The following HEATR5A variants were observed in gnomAD, a reference collection of about 807,000 sequenced individuals.
The protein encoded by HEATR5A is HEAT repeat-containing protein 5A.
HEATR5A carries 178 observed loss-of-function variants against 218.8 expected under a neutral mutation model. That is an observed-to-expected ratio of 0.81 (90% CI 0.72 to 0.92). HEATR5A has a LOEUF of 0.92. Among genes scored for constraint, HEATR5A ranks in the 40% least tolerant of loss-of-function variants. The probability of loss-of-function intolerance (pLI) is 0.00; values close to 1 mark genes in which losing one functional copy is unlikely to be tolerated. For synonymous variants in HEATR5A, 864 were observed against 871.6 expected, an observed-to-expected ratio of 0.99 and a Z score of 0.15; for missense variants, 2,420 against 2,418.9, an observed-to-expected ratio of 1.00 and a Z score of -0.01.
chr14:31,364,999 C>A (rs960837483), intron 13 of HEATR5A, among the ~76,000 whole-genome samples: 1 of 151,264 alleles, frequency 6.6e-6, no homozygotes, highest in Non-Finnish European at 1.5e-5. Context: ...CTTAGCCTCC[C>A]CAATAGCTGG....
In HEATR5A at chr14:31,326,222, G is replaced by T. The variant is rs552446412; in HGVS notation, c.3488C>A (p.Ala1163Glu). 1.2e-6 allele frequency: 2 copies of T among 1,613,024 alleles called. No homozygotes were observed. Among genetic ancestry groups the T allele is most frequent in the Non-Finnish European group, 1.7e-6 (2 of 1,179,210 alleles). Residue 1163 changes from alanine to glutamate, a missense_variant, in exon 23 of 36, where the codon GCA becomes GAA. Coordinates refer to ENST00000543095, the MANE Select transcript of HEATR5A (RefSeq NM_015473.4). ...TAACCACAGGGAGAGTTTTTCCACT[G>T]CCATAGATGTAAGCATATAATTTAA... ...ETLNYMLTSM[A>E]VEKLSLWLKL...
intron 25 of HEATR5A, among the ~76,000 whole-genome samples, chr14:31,320,995 C>T (rs867119456): frequency 6.6e-6 from 1 of 152,150 alleles, no homozygotes; most frequent in African/African-American, 2.4e-5. Context: ...ACTGGTGATA[C>T]GTTAGCAGAG....
chr14:31,409,603 G>A (rs1208604921), intron 1 of HEATR5A, among the ~76,000 whole-genome samples: 4 of 152,096 alleles, frequency 2.6e-5, no homozygotes, highest in Non-Finnish European at 2.9e-5. Context: ...GTGAGGCTGA[G>A]GTGGGAGGAT....
At position 31,347,807 on chromosome 14, in the gene HEATR5A, T is replaced by A. The variant is rs368505431; in HGVS notation, c.2809A>T (p.Asn937Tyr). ...GTATAAAGGATTCCAATACAAGAATTTAGGTGTTGAGAAGAACTTATTCCT... is the reference window on the plus strand; with the variant it reads ...GTATAAAGGATTCCAATACAAGAATATAGGTGTTGAGAAGAACTTATTCCT... ...LGGISSSQHLNSCIGILYTLA... is the reference protein window; with the variant it reads ...LGGISSSQHLYSCIGILYTLA... Residue 937 changes from asparagine to tyrosine, a missense_variant, in exon 19 of 36, where the codon AAT becomes TAT. By Grantham distance (143) the Asn-to-Tyr change is moderately radical. Coordinates refer to ENST00000543095, the MANE Select transcript of HEATR5A (RefSeq NM_015473.4). The A allele has an allele frequency of 1.2e-6, 2 of 1,611,236 alleles. No individual in the cohort carries two copies. The highest frequency in any genetic ancestry group is 2.7e-5 in the African/African-American group (2 of 74,862).
chr14:31,380,416 T>C, intron 11 of HEATR5A, 51 bp downstream of exon 11: 1 of 1,140,094 alleles, frequency 8.8e-7, no homozygotes, highest in Non-Finnish European at 1.3e-6. Flanking sequence ...ATCATTTCAC[T>C]CAGAAAACAC....
At chr14:31,310,625 G>A (rs1899715004) in intron 28 of HEATR5A, among the ~76,000 whole-genome samples, 1 of 151,994 alleles carries the variant, frequency 6.6e-6, no homozygotes, top group Admixed American at 6.6e-5. Flanking sequence ...GGGCCACAGA[G>A]CAAGACTCCA....
intron 7 of HEATR5A, 104 bp downstream of exon 7, chr14:31,388,741 A>C: frequency 2.4e-6 from 2 of 836,528 alleles, no homozygotes; most frequent in South Asian, 1.8e-5. Context: ...ATATGAGAGC[A>C]TAAGTGTTGA....
At chr14:31,299,446 A>ACAGT (rs1899293984) in intron 33 of HEATR5A, among the ~76,000 whole-genome samples, 1 of 152,214 alleles carries the variant, frequency 6.6e-6, no homozygotes, top group African/African-American at 2.4e-5. Context: ...GTGGCCAGAC[A>ACAGT]CAGTGGCTCA....
chr14:31,331,539 T>G (rs576054729), intron 22 of HEATR5A, among the ~76,000 whole-genome samples: 47 of 152,292 alleles, frequency 3.1e-4, no homozygotes, highest in Non-Finnish European at 5.9e-4. Context: ...TTCCAACCAC[T>G]GCCTATTACC....
intron 4 of HEATR5A, 94 bp from the exon 5 acceptor site, chr14:31,395,442 T>C: frequency 3.4e-6 from 2 of 584,222 alleles, no homozygotes; most frequent in Non-Finnish European, 5.7e-6. Flanking sequence ...TGAAGAAATA[T>C]CCAGACTTCT....
rs748487736 is a variant in HEATR5A, at chr14:31,386,611, CTG to C, written c.1190-38_1190-37del. The C allele has an allele frequency of 2.6e-6, 4 of 1,528,520 alleles. No homozygotes were observed. The East Asian group carries it at 9.2e-5, about 35-fold the overall frequency. 94.7% of individuals were successfully genotyped at this position (1,528,520 alleles called of 1,614,324 possible). ...TGCAAGAATTAACTATGCATAACCA[CTG>C]TATTAAAATATATTGAAAAGGGTGT... is the stretch of plus-strand genomic sequence containing the variant. On this transcript the variant is annotated intron_variant, in intron 8 of 35. Coordinates refer to ENST00000543095, the MANE Select transcript of HEATR5A (RefSeq NM_015473.4).
At chr14:31,297,483 T>TAAACAAAC (rs58946487) in intron 33 of HEATR5A, 6,145 of 152,306 alleles carry the variant, frequency 0.04, 382 homozygotes, top group African/African-American at 0.14. Context: ...CCTGTCTCTT[T>TAAACAAAC]AAACAAACAA....
Position 31,294,044 on chromosome 14 carries a change from A to C in HEATR5A, c.5680T>G (p.Ser1894Ala). The C allele has an allele frequency of 6.2e-7, 1 of 1,603,930 alleles. No homozygotes were observed. The highest frequency in any genetic ancestry group is 8.5e-7 in the Non-Finnish European group (1 of 1,174,940). ...GCTAAAGAGTAAATGTATGGGTAGG[A>C]AACAGCTGGATTTGGATACTGAAAG... Reference protein sequence around the residue: ...SIFQYPNPAVSYPYIYSLASC... With the variant: ...SIFQYPNPAVAYPYIYSLASC... The change falls in exon 35 of 36, where the codon TCC (serine) becomes GCC (alanine). Residue 1894 changes from serine to alanine, a missense_variant. By Grantham distance (99) the Ser-to-Ala change is moderately conservative (BLOSUM62 1). Coordinates refer to ENST00000543095, the MANE Select transcript of HEATR5A (RefSeq NM_015473.4).
At chr14:31,307,779 G>A (rs1899602574) in intron 30 of HEATR5A, 114 bp downstream of exon 30, 2 of 1,198,058 alleles carry the variant, frequency 1.7e-6, no homozygotes, top group African/African-American at 1.5e-5. Context: ...GAGGCTGTAT[G>A]GTTTAGAAAA....
chr14:31,333,289 C>G (rs145675417), intron 22 of HEATR5A, among the ~76,000 whole-genome samples: 2,258 of 152,152 alleles, frequency 0.015, 49 homozygotes, highest in African/African-American at 0.051. Flanking sequence ...TGCTCTATCA[C>G]CCAGGCTGGA....
chr14:31,316,052 G>A (rs913673472), intron 26 of HEATR5A, 103 bp from the exon 27 acceptor site: 225 of 854,868 alleles, frequency 2.6e-4, no homozygotes, highest in Non-Finnish European at 3.4e-4. Flanking sequence ...GGGAGGTGAC[G>A]CAGGCAGATC....
intron 18 of HEATR5A, among the ~76,000 whole-genome samples, chr14:31,349,550 C>T (rs939960274): frequency 3.3e-5 from 5 of 152,158 alleles, no homozygotes; most frequent in African/African-American, 1.2e-4. Flanking sequence ...TCAATTACAT[C>T]ACTCATATAG....
intron 32 of HEATR5A, among the ~76,000 whole-genome samples, chr14:31,304,522 A>G (rs1899491595): frequency 6.6e-6 from 1 of 151,926 alleles, no homozygotes; most frequent in South Asian, 2.1e-4. Flanking sequence ...GGTTCAAGCG[A>G]TTCTCCTGCC....
chr14:31,343,472 A>G (rs1231603250), intron 21 of HEATR5A, among the ~76,000 whole-genome samples: 1 of 152,202 alleles, frequency 6.6e-6, no homozygotes, highest in African/African-American at 2.4e-5. Context: ...GAAGCCAGAT[A>G]TTGATGCATA....
Sources: gnomAD v4.1 joint callset for allele counts (sites outside exome capture counted in the v4.1 genomes callset) on GRCh38, gnomAD v4.1.1 for gene constraint, MANE v1.5 for transcripts, NCBI Gene and HGNC (gene_info 2026-07-23, HGNC 2026-07-21) for gene names.